The following DNAH12 variants were observed in gnomAD, a reference collection of about 807,000 sequenced individuals.
DNAH12 encodes dynein axonemal heavy chain 12.
In DNAH12, 285 loss-of-function variants were observed where a neutral mutation model predicts 371.5. That is an observed-to-expected ratio of 0.77 (90% confidence interval 0.70 to 0.85). DNAH12 has a LOEUF of 0.85. Among genes scored for constraint, DNAH12 ranks in the 40% least tolerant of loss-of-function variants. DNAH12 has a pLI of 0.00. For synonymous variants in DNAH12, 1,200 were observed against 1,213.0 expected, an observed-to-expected ratio of 0.99 and a Z score of 0.22; for missense variants, 3,611 against 3,689.4, an observed-to-expected ratio of 0.98 and a Z score of 0.55.
intron 62 of DNAH12, among the ~76,000 whole-genome samples, chr3:57,333,255 C>T (rs2062144899): frequency 6.6e-6 from 1 of 151,556 alleles, no homozygotes; most frequent in Admixed American, 6.6e-5. Context: ...GCGATCCACC[C>T]ACCTCAGCCT....
chr3:57,353,947 C>T (rs1253279014), intron 59 of DNAH12, among the ~76,000 whole-genome samples: 3 of 152,050 alleles, frequency 2.0e-5, no homozygotes, highest in Admixed American at 6.6e-5. Context: ...ATTAGTTCAC[C>T]GTGGAAAGCA....
At chr3:57,472,249 T>A (rs2066387896) in intron 14 of DNAH12, among the ~76,000 whole-genome samples, 1 of 152,212 alleles carries the variant, frequency 6.6e-6, no homozygotes, top group Non-Finnish European at 1.5e-5. Context: ...GTGGGATTTT[T>A]ATGAGAGTTA....
At chr3:57,459,216 T>C (rs1171135184) in intron 20 of DNAH12, among the ~76,000 whole-genome samples, 1 of 152,160 alleles carries the variant, frequency 6.6e-6, no homozygotes, top group Non-Finnish European at 1.5e-5. Context: ...TAGTAGAATG[T>C]CAGGTGAGTC....
chr3:57,307,344 C>T (rs1279328257), intron 69 of DNAH12, among the ~76,000 whole-genome samples: 1 of 152,152 alleles, frequency 6.6e-6, no homozygotes, highest in Admixed American at 6.5e-5. Context: ...TTGAAGACAG[C>T]TTTAGAGACT....
chr3:57,515,799 T>A (rs1408297731), intron 4 of DNAH12, among the ~76,000 whole-genome samples: 1 of 152,006 alleles, frequency 6.6e-6, no homozygotes, highest in Non-Finnish European at 1.5e-5. Context: ...ACAACCATAG[T>A]AATCATTGTT....
At chr3:57,453,979 G>A (rs1015288351) in intron 23 of DNAH12, among the ~76,000 whole-genome samples, 16 of 152,150 alleles carry the variant, frequency 1.1e-4, no homozygotes, top group African/African-American at 3.9e-4. Flanking sequence ...ATGTGGTGGT[G>A]TGTGCCTGTG....
In DNAH12 at chr3:57,352,108, A is replaced by G. The variant is rs2062689489; in HGVS notation, c.9651T>C (p.Phe3217=). 1 of 1,525,350 alleles carries G rather than the reference A, an allele frequency of 6.6e-7. No homozygotes were observed. Among genetic ancestry groups the G allele is most frequent in the Admixed American group, 2.3e-5 (1 of 43,588 alleles). 94.5% of individuals were successfully genotyped at this position (1,525,350 alleles called of 1,614,324 possible). The part of the protein sequence containing the change: ...LFEKDKLLFS[F]LLCANLLLAR... ...ACAGAAGAAGATTGGCACATAATAA[A>G]AAGGAAAATAACAGCTTGTCCTTCT... Residue 3217 remains phenylalanine (F), a synonymous_variant, in exon 60 of 74, where the codon TTT becomes TTC. Transcript: ENST00000495027.
chr3:57,542,269 G>C (rs1184087848), intron 2 of DNAH12, among the ~76,000 whole-genome samples: 1 of 152,002 alleles, frequency 6.6e-6, no homozygotes, highest in African/African-American at 2.4e-5. Context: ...CAAATTGTAG[G>C]GGTTCAGTTA....
At chr3:57,386,190 G>T (rs878870901) in intron 47 of DNAH12, among the ~76,000 whole-genome samples, 98,406 of 151,832 alleles carry the variant, frequency 0.65, 32,671 homozygotes, top group Non-Finnish European at 0.74. Context: ...AATAAAACAT[G>T]ATATATTTGA....
chr3:57,418,762 A>C (rs1169430681), intron 37 of DNAH12, among the ~76,000 whole-genome samples: 1 of 152,190 alleles, frequency 6.6e-6, no homozygotes, highest in Non-Finnish European at 1.5e-5. Flanking sequence ...AATGACATTT[A>C]TGATTATATA....
chr3:57,307,761 T>C (rs1332369428), intron 69 of DNAH12, among the ~76,000 whole-genome samples: 1 of 152,188 alleles, frequency 6.6e-6, no homozygotes, highest in Non-Finnish European at 1.5e-5. Context: ...ATACCACACC[T>C]GACCCCCATA....
chr3:57,550,099 A>G, the DNAH12 span, among the ~76,000 whole-genome samples: 2 of 152,074 alleles, frequency 1.3e-5, no homozygotes, highest in African/African-American at 4.8e-5. Context: ...TCTTGAGGCC[A>G]GGAGTGCAAG....
rs181963758 is a variant in DNAH12 at position 57,433,478 on chromosome 3, A to G, written c.4869T>C (p.Phe1623=). The change falls in exon 32 of 74, where the codon TTT becomes TTC. Residue 1623 remains phenylalanine, a synonymous_variant. Coordinates refer to ENST00000495027, the MANE Select transcript of DNAH12 (RefSeq NM_001366028.2). ...EWTDGIVANT[F]REFALSETPD... ...GTGTTTCTGATAAGGCAAATTCTCT[A>G]AAAGTGTTAGCCACAATACCATCAG... 2 of 1,551,576 alleles carry G rather than the reference A, an allele frequency of 1.3e-6. No individual in the cohort carries two copies. Among genetic ancestry groups the G allele is most frequent in the African/African-American group, 1.4e-5 (1 of 73,174 alleles).
At chr3:57,500,754 C>G (rs2067513218) in intron 11 of DNAH12, among the ~76,000 whole-genome samples, 1 of 152,100 alleles carries the variant, frequency 6.6e-6, no homozygotes, top group Non-Finnish European at 1.5e-5. Flanking sequence ...CTCCTGAAGA[C>G]AGTGCTTATG....
chr3:57,510,815 A>G lies in DNAH12; in HGVS notation c.444T>C (p.Phe148=). 1 of 1,613,988 alleles carries G rather than the reference A, an allele frequency of 6.2e-7. No individual in the cohort carries two copies. Among genetic ancestry groups the G allele is most frequent in the Non-Finnish European group, 8.5e-7 (1 of 1,180,008 alleles). Residue 148 remains phenylalanine (F), a synonymous_variant, in exon 5 of 74, where the codon TTT becomes TTC. Transcript: ENST00000495027. The stretch of plus-strand genomic sequence containing the variant: ...CCAAATATCTCTTCATGCTGTTTTC[A>G]AAGTCACTTGACACCTCATTTATGA... ...ESLINEVSSD[F]ENSMKRYLVQ... is the part of the protein sequence containing the mutation.
chr3:57,419,146 G>A (rs976565718), intron 37 of DNAH12, among the ~76,000 whole-genome samples: 52 of 152,176 alleles, frequency 3.4e-4, no homozygotes, highest in African/African-American at 1.2e-3. Context: ...GGCAACTTAT[G>A]AGGCAGCAAA....
At chr3:57,440,848 G>A (rs2065280353) in intron 29 of DNAH12, among the ~76,000 whole-genome samples, 1 of 152,108 alleles carries the variant, frequency 6.6e-6, no homozygotes, top group Non-Finnish European at 1.5e-5. Flanking sequence ...AAATTAGCCA[G>A]GTGTGGTGGT....
intron 55 of DNAH12, 95 bp downstream of exon 55, chr3:57,375,276 T>C (rs1315152405): frequency 2.0e-5 from 3 of 152,162 alleles, no homozygotes; most frequent in Non-Finnish European, 4.4e-5. Context: ...GTGGTAGTTA[T>C]ATTGGTGCTT....
intron 43 of DNAH12, chr3:57,402,504 C>G: frequency 8.9e-7 from 1 of 1,122,200 alleles, no homozygotes; most frequent in Non-Finnish European, 1.2e-6. Flanking sequence ...ATGGTTAAAT[C>G]TGCTAGAAAC....
Sources: gnomAD v4.1 joint callset for allele counts (sites outside exome capture counted in the v4.1 genomes callset) on GRCh38, gnomAD v4.1.1 for gene constraint, MANE v1.5 for transcripts, NCBI Gene and HGNC (gene_info 2026-07-23, HGNC 2026-07-21) for gene names.